The following ZNF143 variants were observed in gnomAD, a reference collection of about 807,000 sequenced individuals.
The protein encoded by ZNF143 is zinc finger protein 143.
Under a neutral mutation model 74.1 loss-of-function variants are expected in ZNF143, and 49 were observed. The ratio of observed to expected loss-of-function variants is 0.66; its 90% CI spans 0.53 to 0.84. The LOEUF is 0.84. Among genes scored for constraint, ZNF143 ranks in the 40% least tolerant of loss-of-function variants. The probability of loss-of-function intolerance (pLI) is 0.00; values close to 1 mark genes in which losing one functional copy is unlikely to be tolerated. For synonymous variants in ZNF143, 304 were observed against 282.8 expected (o/e 1.07, Z -0.75); for missense variants, 637 against 793.4 (o/e 0.80, Z 2.37).
At position 9,471,368 on chromosome 11, in the gene ZNF143, G is replaced by A. The variant is rs201597107; in HGVS notation, c.60G>A (p.Gly20=). 2 of 1,612,784 alleles carry A rather than the reference G, an allele frequency of 1.2e-6. No individual in the cohort carries two copies. The highest frequency in any genetic ancestry group is 1.3e-5 in the African/African-American group (1 of 74,960). ...GAATGACAGAGTTTCCTGGAGGAGG[G>A]ATGGAGGCGCAACATGTTACGCTGT... ...SQGMTEFPGG[G]MEAQHVTLCL... is the part of the protein sequence containing the mutation. The change falls in exon 2 of 16, where the codon GGG becomes GGA. Residue 20 remains glycine (G), a synonymous_variant. Transcript: ENST00000396602.
intron 11 of ZNF143, among the ~76,000 whole-genome samples, chr11:9,505,190 T>C (rs1848316595): frequency 8.1e-6 from 1 of 122,816 alleles, no homozygotes; most frequent in African/African-American, 2.6e-5. Flanking sequence ...GCCAGGATGG[T>C]CTCCATCTCC....
intron 10 of ZNF143, among the ~76,000 whole-genome samples, chr11:9,500,234 G>A (rs4910468): frequency 0.49 from 73,973 of 151,898 alleles, 18,313 homozygotes; most frequent in Non-Finnish European, 0.52. Context: ...GGCATGTGCT[G>A]CTGTGCCTGG....
intron 8 of ZNF143, 99 bp downstream of exon 8, chr11:9,494,864 C>T: frequency 5.4e-6 from 7 of 1,286,194 alleles, no homozygotes; most frequent in Non-Finnish European, 7.5e-6. Flanking sequence ...CTGTTTTCTC[C>T]CAGTTATCAA....
intron 1 of ZNF143, among the ~76,000 whole-genome samples, chr11:9,466,576 G>A (rs1398666120): frequency 2.6e-5 from 4 of 152,066 alleles, no homozygotes; most frequent in Non-Finnish European, 5.9e-5. Context: ...GATTACAGAT[G>A]TGAGCCACCA....
chr11:9,500,000 T>G (rs1297925827), intron 10 of ZNF143, among the ~76,000 whole-genome samples: 2 of 152,320 alleles, frequency 1.3e-5, no homozygotes, highest in East Asian at 3.9e-4. Context: ...TGGTGTGCAG[T>G]GGCACAGTCA....
At chr11:9,509,163 G>C (rs1402722537) in intron 12 of ZNF143, among the ~76,000 whole-genome samples, 1 of 152,172 alleles carries the variant, frequency 6.6e-6, no homozygotes, top group Admixed American at 6.5e-5. Context: ...GTTCCAAATA[G>C]AGAGAATGGC....
At chr11:9,495,671 T>C (rs1847933586) in intron 8 of ZNF143, among the ~76,000 whole-genome samples, 1 of 152,254 alleles carries the variant, frequency 6.6e-6, no homozygotes, top group African/African-American at 2.4e-5. Context: ...TCCTCATCTA[T>C]AAAATTGGAT....
rs987022461 is a variant in ZNF143 at position 9,494,563 on chromosome 11, T to C, written c.646-83T>C. On this transcript the variant is annotated intron_variant, in intron 7 of 15. Coordinates refer to ENST00000396602, the MANE Select transcript of ZNF143 (RefSeq NM_003442.6). ...TGGGCTCAAATGATCCGCCTACCTC[T>C]GCCTCCCCATGTGCTAAGATTACTG... The C allele has an allele frequency of 3.5e-6, 5 of 1,408,676 alleles. No individual in the cohort carries two copies. The African/African-American group carries it at 4.3e-5, about 12-fold the overall frequency. The allele number at this position is 1,408,676 out of a possible 1,614,324, so 87.3% of individuals were successfully genotyped here.
intron 14 of ZNF143, among the ~76,000 whole-genome samples, chr11:9,518,740 C>T (rs963714353): frequency 4.0e-5 from 6 of 151,246 alleles, no homozygotes; most frequent in African/African-American, 1.5e-4. Flanking sequence ...AAAAAAGCTT[C>T]TGGTTATTTT....
intron 7 of ZNF143, among the ~76,000 whole-genome samples, chr11:9,490,281 T>C (rs1589897121): frequency 7.0e-6 from 1 of 143,190 alleles, no homozygotes; most frequent in East Asian, 2.3e-4. Flanking sequence ...TTAAGCTTTT[T>C]TTTTTTTTTT....
chr11:9,501,452 G>A (rs1276487066), intron 11 of ZNF143, among the ~76,000 whole-genome samples, 182 bp downstream of exon 11: 2 of 152,160 alleles, frequency 1.3e-5, no homozygotes, highest in South Asian at 4.1e-4. Flanking sequence ...TCAACAAACA[G>A]TTATTGAGTA....
chr11:9,467,750 G>T lies in ZNF143; in HGVS notation c.-7-3552G>T, dbSNP rs560785791. 2.1e-4 allele frequency among the ~76,000 whole-genome samples: 32 copies of T among 149,582 alleles called. 1 individual carries two copies. The South Asian group carries it at 4.8e-3, about 23-fold the overall frequency. Reference sequence around the variant, plus strand: ...TAATCCCAGTTACTCAGGAGGCTGAGACAGAACTGCTTGAACTTGGGAGGT... The same window carrying T: ...TAATCCCAGTTACTCAGGAGGCTGATACAGAACTGCTTGAACTTGGGAGGT... On this transcript the variant is annotated intron_variant, in intron 1 of 15. Coordinates refer to ENST00000396602, the MANE Select transcript of ZNF143 (RefSeq NM_003442.6).
chr11:9,461,210 A>G (rs937566633), intron 1 of ZNF143, 134 bp downstream of exon 1: 32 of 461,230 alleles, frequency 6.9e-5, no homozygotes, highest in African/African-American at 6.4e-4. Flanking sequence ...GGCCTTGCCG[A>G]TTTTATGGGC....
chr11:9,500,502 C>T (rs1848121246), intron 10 of ZNF143, among the ~76,000 whole-genome samples: 2 of 151,710 alleles, frequency 1.3e-5, no homozygotes, highest in South Asian at 4.2e-4. Flanking sequence ...GGTGTAATCT[C>T]GGCTCACTGC....
chr11:9,514,025 A>G (rs1432732096), intron 13 of ZNF143, among the ~76,000 whole-genome samples: 2 of 152,134 alleles, frequency 1.3e-5, no homozygotes, highest in African/African-American at 2.4e-5. Flanking sequence ...TCATAGCTCA[A>G]AGGACTACAG....
intron 11 of ZNF143, among the ~76,000 whole-genome samples, chr11:9,507,576 G>C (rs1191364744): frequency 6.6e-6 from 1 of 152,128 alleles, no homozygotes; most frequent in Non-Finnish European, 1.5e-5. Flanking sequence ...CAAATACTGT[G>C]TAAATGAGCT....
chr11:9,499,901 T>C (rs960791181), intron 10 of ZNF143, among the ~76,000 whole-genome samples: 30 of 152,144 alleles, frequency 2.0e-4, no homozygotes, highest in African/African-American at 6.8e-4. Flanking sequence ...TATTCCAAGA[T>C]TGTATAAAGC....
intron 10 of ZNF143, among the ~76,000 whole-genome samples, chr11:9,500,175 G>A (rs774362261): frequency 7.2e-5 from 11 of 151,908 alleles, no homozygotes; most frequent in Non-Finnish European, 2.9e-5. Context: ...TTGAACTCCT[G>A]AGCTCAAGTG....
At chr11:9,517,081 ATTTTTAT>A (rs1848750752) in intron 14 of ZNF143, among the ~76,000 whole-genome samples, 1 of 151,964 alleles carries the variant, frequency 6.6e-6, no homozygotes, top group Admixed American at 6.6e-5. Context: ...TGCCTGGCTA[ATTTTTAT>A]TTTTTATTTT....
Sources: gnomAD v4.1 joint callset for allele counts (sites outside exome capture counted in the v4.1 genomes callset) on GRCh38, gnomAD v4.1.1 for gene constraint, MANE v1.5 for transcripts, NCBI Gene and HGNC (gene_info 2026-07-23, HGNC 2026-07-21) for gene names.